The following RCAN2 variants were observed in gnomAD, a reference collection of about 807,000 sequenced individuals.
The protein encoded by RCAN2 is calcipressin-2.
Under a neutral mutation model 23.6 loss-of-function variants are expected in RCAN2, and 9 were observed. That is an observed-to-expected ratio of 0.38 (90% CI 0.23 to 0.67). The LOEUF (loss-of-function observed/expected upper bound fraction) is 0.67, where lower values mean the gene tolerates loss of function less well. Among genes scored for constraint, RCAN2 ranks in the 30% least tolerant of loss-of-function variants. The pLI is 0.51. For synonymous variants in RCAN2, 109 were observed against 115.7 expected, an observed-to-expected ratio of 0.94 and a Z score of 0.37; for missense variants, 273 against 302.3, an observed-to-expected ratio of 0.90 and a Z score of 0.72.
At chr6:46,477,767 T>C (rs1283786918) in intron 1 of RCAN2, among the ~76,000 whole-genome samples, 1 of 152,138 alleles carries the variant, frequency 6.6e-6, no homozygotes, top group East Asian at 1.9e-4. Flanking sequence ...GGCAAGGATG[T>C]AAGACACATC....
At chr6:46,362,107 G>A (rs1765031889) in intron 2 of RCAN2, among the ~76,000 whole-genome samples, 1 of 152,086 alleles carries the variant, frequency 6.6e-6, no homozygotes, top group Non-Finnish European at 1.5e-5. Context: ...AGGATTCTGA[G>A]GTCTAGAATA....
intron 2 of RCAN2, among the ~76,000 whole-genome samples, chr6:46,257,500 G>C (rs1032069562): frequency 3.9e-5 from 6 of 152,154 alleles, no homozygotes; most frequent in Admixed American, 3.9e-4. Context: ...TAACAATCGT[G>C]GTGGAAGGGG....
intron 4 of RCAN2, among the ~76,000 whole-genome samples, chr6:46,228,688 C>T (rs1765767576): frequency 1.3e-5 from 2 of 152,062 alleles, no homozygotes; most frequent in African/African-American, 2.4e-5. Flanking sequence ...TGAGATGGGT[C>T]TCCTGAATAC....
At chr6:46,309,807 A>T (rs979264037) in intron 2 of RCAN2, among the ~76,000 whole-genome samples, 5 of 152,192 alleles carry the variant, frequency 3.3e-5, no homozygotes, top group African/African-American at 7.2e-5. Flanking sequence ...TTTAATGTCA[A>T]ATCTTACTTA....
Position 46,376,329 on chromosome 6 carries a change from A to G in RCAN2, c.225+80423T>C, listed in dbSNP as rs570347755. On this transcript the variant is annotated intron_variant, in intron 2 of 4. Transcript: ENST00000371374. ...TTGCAAAACCTAGAGTGTTGATAAC[A>G]AAATCAAATTGAAGAACTAAAACCA... 3.9e-5 allele frequency among the ~76,000 whole-genome samples: 6 copies of G among 152,346 alleles called. No homozygotes were observed. In the East Asian group the frequency reaches 9.6e-4, roughly 24 times the overall value.
At chr6:46,237,924 T>C (rs186685491) in intron 4 of RCAN2, among the ~76,000 whole-genome samples, 11 of 152,270 alleles carry the variant, frequency 7.2e-5, no homozygotes, top group Admixed American at 7.2e-4. Context: ...ACCATGTGAG[T>C]GAACCATCTT....
intron 2 of RCAN2, among the ~76,000 whole-genome samples, chr6:46,354,466 G>A (rs1402878992): frequency 1.3e-5 from 2 of 152,128 alleles, no homozygotes; most frequent in Admixed American, 1.3e-4. Context: ...AGTTATGAGA[G>A]ATGTTACCAC....
At chr6:46,425,130 T>C (rs1365544397) in intron 2 of RCAN2, among the ~76,000 whole-genome samples, 1 of 152,246 alleles carries the variant, frequency 6.6e-6, no homozygotes, top group Non-Finnish European at 1.5e-5. Context: ...AGCGATCTTA[T>C]TCTAGAGCAG....
chr6:46,440,085 C>A (rs939494620), intron 2 of RCAN2, among the ~76,000 whole-genome samples: 1 of 152,274 alleles, frequency 6.6e-6, no homozygotes, highest in East Asian at 1.9e-4. Flanking sequence ...AGCATCTTCC[C>A]ATGAAATAAT....
chr6:46,429,011 CA>C, intron 2 of RCAN2, among the ~76,000 whole-genome samples: 1 of 152,190 alleles, frequency 6.6e-6, no homozygotes, highest in East Asian at 1.9e-4. Context: ...TAGATGACCT[CA>C]GCCTCAGAGA....
intron 2 of RCAN2, among the ~76,000 whole-genome samples, chr6:46,364,232 G>C (rs1271745211): frequency 6.6e-6 from 1 of 152,146 alleles, no homozygotes; most frequent in Non-Finnish European, 1.5e-5. Flanking sequence ...AAATAAAGGG[G>C]TGGGGAACAA....
intron 2 of RCAN2, among the ~76,000 whole-genome samples, chr6:46,262,950 T>C (rs1240875059): frequency 2.0e-5 from 3 of 152,200 alleles, no homozygotes; most frequent in Non-Finnish European, 2.9e-5. Flanking sequence ...CTGAATCCCA[T>C]TAAGGTTTAG....
intron 2 of RCAN2, among the ~76,000 whole-genome samples, chr6:46,397,826 T>C (rs1766140060): frequency 6.6e-6 from 1 of 152,246 alleles, no homozygotes; most frequent in South Asian, 2.1e-4. Flanking sequence ...TTATTCATTT[T>C]AACATGTTTG....
At position 46,270,911 on chromosome 6, in the gene RCAN2, C is replaced by T. The variant is rs142193401; in HGVS notation, c.226-22015G>A. Among the ~76,000 whole-genome samples the T allele has an allele frequency of 7.3e-3, 1,115 of 152,292 alleles. 3 individuals are homozygous for T. The highest frequency in any genetic ancestry group is 0.013 in the Non-Finnish European group (879 of 68,024). On this transcript the variant is annotated intron_variant, in intron 2 of 4. Coordinates refer to ENST00000371374, the MANE Select transcript of RCAN2 (RefSeq NM_001251974.2). Reference sequence around the variant, plus strand: ...GAGTGAGCTTACAAGTGCTTCCTTCCCCAGTCAAACCTTGAGATAAGACTG... The same window carrying T: ...GAGTGAGCTTACAAGTGCTTCCTTCTCCAGTCAAACCTTGAGATAAGACTG...
intron 2 of RCAN2, among the ~76,000 whole-genome samples, chr6:46,414,291 C>T (rs928994820): frequency 6.6e-6 from 1 of 152,158 alleles, no homozygotes. Context: ...TAGACAAACA[C>T]AAATTGCAAA....
intron 2 of RCAN2, among the ~76,000 whole-genome samples, chr6:46,298,939 G>A (rs1762817559): frequency 6.6e-6 from 1 of 152,082 alleles, no homozygotes; most frequent in South Asian, 2.1e-4. Context: ...AAAAAAGAAT[G>A]AAATCATGTC....
At chr6:46,480,393 C>T (rs963751102) in intron 1 of RCAN2, among the ~76,000 whole-genome samples, 2 of 152,138 alleles carry the variant, frequency 1.3e-5, no homozygotes, top group Non-Finnish European at 2.9e-5. Flanking sequence ...TATCCAAGTT[C>T]CACAAAAGAA....
intron 2 of RCAN2, among the ~76,000 whole-genome samples, chr6:46,302,666 C>T (rs1490976198): frequency 1.3e-5 from 2 of 152,056 alleles, no homozygotes; most frequent in Admixed American, 1.3e-4. Context: ...TAATTTTTAT[C>T]TCCAAACATG....
At chr6:46,406,828 T>C (rs1366357025) in intron 2 of RCAN2, among the ~76,000 whole-genome samples, 5 of 152,240 alleles carry the variant, frequency 3.3e-5, no homozygotes, top group African/African-American at 4.8e-5. Flanking sequence ...TTTATTCTCA[T>C]TTCTTTATGT....
Sources: gnomAD v4.1 joint callset for allele counts (sites outside exome capture counted in the v4.1 genomes callset) on GRCh38, gnomAD v4.1.1 for gene constraint, MANE v1.5 for transcripts, NCBI Gene and HGNC (gene_info 2026-07-23, HGNC 2026-07-21) for gene names.